Variants in ANGPT2 observed in about 807,000 individuals in gnomAD.
The protein encoded by ANGPT2 is angiopoietin 2.
A neutral mutation model predicts 62.9 loss-of-function variants in ANGPT2; 28 were observed. That is an observed-to-expected ratio of 0.44 (90% CI 0.33 to 0.61). ANGPT2 has a LOEUF of 0.61. Among genes scored for constraint, ANGPT2 ranks in the 20% least tolerant of loss-of-function variants. The pLI, the probability that ANGPT2 is intolerant of heterozygous loss-of-function variation, is 0.03. For synonymous variants in ANGPT2, 284 were observed against 207.8 expected (o/e 1.37, Z -3.15); for missense variants, 727 against 594.9 (o/e 1.22, Z -2.31).
intron 1 of ANGPT2, among the ~76,000 whole-genome samples, chr8:6,560,846 C>G (rs1471388865): frequency 6.6e-6 from 1 of 152,126 alleles, no homozygotes; most frequent in Non-Finnish European, 1.5e-5. Flanking sequence ...TCAGGTATAC[C>G]TAATGTAAGT....
chr8:6,542,452 C>A (rs1013056942), intron 1 of ANGPT2, among the ~76,000 whole-genome samples: 16 of 152,170 alleles, frequency 1.1e-4, no homozygotes, highest in Middle Eastern at 3.4e-3. Context: ...GCTTTAGACC[C>A]TGTAATATTG....
intron 1 of ANGPT2, among the ~76,000 whole-genome samples, chr8:6,538,964 T>C (rs1821004981): frequency 2.0e-5 from 3 of 152,216 alleles, no homozygotes; most frequent in Admixed American, 6.5e-5. Flanking sequence ...TGAAACATCA[T>C]TTGAGGTCTC....
intron 7 of ANGPT2, among the ~76,000 whole-genome samples, chr8:6,510,935 G>A (rs2129566684): frequency 6.6e-6 from 1 of 152,294 alleles, no homozygotes; most frequent in Non-Finnish European, 1.5e-5. Flanking sequence ...CTAAATGCCT[G>A]CTGCAAAATG....
chr8:6,562,259 C>G (rs746828498), intron 1 of ANGPT2, among the ~76,000 whole-genome samples: 30 of 152,138 alleles, frequency 2.0e-4, no homozygotes, highest in Non-Finnish European at 3.5e-4. Context: ...CACAGCCTTC[C>G]CTCACTTGCC....
chr8:6,522,654 A>T (rs1036997927), intron 3 of ANGPT2, among the ~76,000 whole-genome samples: 2 of 149,908 alleles, frequency 1.3e-5, no homozygotes, highest in African/African-American at 4.9e-5. Context: ...CATGAATGTA[A>T]TCCCAGCTAC....
At position 6,500,729 on chromosome 8, in the gene ANGPT2, C is replaced by G. The variant is rs1168201505; in HGVS notation, c.*2372G>C. On this transcript the variant is annotated 3_prime_UTR_variant, in exon 9 of 9. Transcript: ENST00000629816. ...ACATTTTCTTAAGGAGAGACAAAAG[C>G]TCCTCTCAGCAAAACTGTTTGTTTG... 3 of 152,146 alleles carry G rather than the reference C, an allele frequency of 2.0e-5. No individual in the cohort carries two copies. Among genetic ancestry groups the G allele is most frequent in the Non-Finnish European group, 4.4e-5 (3 of 68,032 alleles). 9.4% of individuals were successfully genotyped at this position (152,146 alleles called of 1,614,324 possible).
chr8:6,541,921 T>C (rs945769361), intron 1 of ANGPT2, among the ~76,000 whole-genome samples: 11 of 151,816 alleles, frequency 7.2e-5, no homozygotes, highest in East Asian at 1.9e-4. Flanking sequence ...GGTGGGAGGA[T>C]TGCTTGAGCC....
intron 4 of ANGPT2, 64 bp from the exon 5 acceptor site, chr8:6,520,055 C>A (rs1817022013): frequency 6.4e-7 from 1 of 1,574,314 alleles, no homozygotes; most frequent in African/African-American, 1.4e-5. Flanking sequence ...CTTGTTATTT[C>A]AAGAGCCAAT....
At chr8:6,513,615 G>C in intron 7 of ANGPT2, 63 bp downstream of exon 7, 55 of 1,470,012 alleles carry the variant, frequency 3.7e-5, no homozygotes, top group Non-Finnish European at 5.0e-5. Flanking sequence ...TTACAGGCGT[G>C]AGCCACCGTG....
intron 3 of ANGPT2, among the ~76,000 whole-genome samples, chr8:6,522,045 G>A (rs1187820032): frequency 6.6e-6 from 1 of 152,128 alleles, no homozygotes; most frequent in Non-Finnish European, 1.5e-5. Context: ...TTGGTGTGAG[G>A]AACAAATGGG....
intron 1 of ANGPT2, among the ~76,000 whole-genome samples, chr8:6,536,115 CATTAA>C (rs1354458539): frequency 3.3e-5 from 5 of 152,118 alleles, no homozygotes; most frequent in Admixed American, 1.3e-4. Context: ...CTCTTGAAGT[CATTAA>C]ATTAAGGTTT....
At chr8:6,511,874 A>G (rs1293288288) in intron 7 of ANGPT2, among the ~76,000 whole-genome samples, 2 of 151,194 alleles carry the variant, frequency 1.3e-5, no homozygotes, top group Non-Finnish European at 2.9e-5. Context: ...TTATACAAAC[A>G]GCCTAATCCT....
intron 1 of ANGPT2, among the ~76,000 whole-genome samples, chr8:6,546,515 T>G (rs762949731): frequency 4.7e-5 from 7 of 148,848 alleles, no homozygotes; most frequent in Non-Finnish European, 8.9e-5. Flanking sequence ...TCACTGGGGT[T>G]ACTTAAGAAA....
rs936342197 is a variant in ANGPT2, at chr8:6,499,675, A to C, written c.*3426T>G. 4 of 583,030 alleles carry C rather than the reference A, an allele frequency of 6.9e-6. No individual in the cohort carries two copies. Among genetic ancestry groups the C allele is most frequent in the Non-Finnish European group, 1.2e-5 (4 of 327,702 alleles). 36.1% of individuals were successfully genotyped at this position (583,030 alleles called of 1,614,324 possible). A position where few individuals can be genotyped will look rare whatever the true frequency, so the allele number is the denominator to read the frequency against. Reference sequence around the variant, plus strand: ...CTTTTTCTCAATCAACTTTTTATTAATATTCATAACATTTATGCAACATGA... The same window carrying C: ...CTTTTTCTCAATCAACTTTTTATTACTATTCATAACATTTATGCAACATGA... On this transcript the variant is annotated 3_prime_UTR_variant, in exon 9 of 9. Transcript: ENST00000629816.
At chr8:6,558,687 A>G (rs1051691735) in intron 1 of ANGPT2, among the ~76,000 whole-genome samples, 17 of 152,184 alleles carry the variant, frequency 1.1e-4, no homozygotes, top group Admixed American at 8.5e-4. Flanking sequence ...ATGGAAATCC[A>G]TTTCCTAGTT....
chr8:6,509,278 T>G (rs1339204246), intron 7 of ANGPT2, among the ~76,000 whole-genome samples: 1 of 151,428 alleles, frequency 6.6e-6, no homozygotes. Flanking sequence ...CATGAAACCT[T>G]CAACACATAT....
chr8:6,552,815 CT>C (rs57835088), intron 1 of ANGPT2, among the ~76,000 whole-genome samples: 339 of 145,468 alleles, frequency 2.3e-3, no homozygotes, highest in Middle Eastern at 0.014. Flanking sequence ...GTTATTCCTG[CT>C]TTTTTTTTTT....
At chr8:6,549,100 C>T (rs954190859) in intron 1 of ANGPT2, among the ~76,000 whole-genome samples, 1 of 152,192 alleles carries the variant, frequency 6.6e-6, no homozygotes, top group Non-Finnish European at 1.5e-5. Context: ...TCAGTCAAAA[C>T]AGCTTTCAGT....
At chr8:6,561,396 A>G (rs758114374) in intron 1 of ANGPT2, among the ~76,000 whole-genome samples, 7 of 152,236 alleles carry the variant, frequency 4.6e-5, no homozygotes, top group Non-Finnish European at 7.3e-5. Context: ...ATTTAAGCTC[A>G]TGACTCAAAT....
Sources: allele counts gnomAD v4.1 joint callset (sites outside exome capture counted in the v4.1 genomes callset), GRCh38; gene constraint gnomAD v4.1.1; transcripts MANE v1.5; gene names NCBI Gene and HGNC (gene_info 2026-07-23, HGNC 2026-07-21).